ZNF703: variants seen among roughly 807,000 people sequenced by gnomAD.
ZNF703 encodes the protein zinc finger protein 703.
ZNF703 carries 18 observed loss-of-function variants against 30.7 expected under a neutral mutation model. The observed-to-expected ratio is 0.59, with a 90% CI of 0.40 to 0.87. The LOEUF is 0.87. ZNF703 is among the 40% of genes least tolerant of loss of function. ZNF703 has a pLI of 0.00. For synonymous variants in ZNF703, 457 were observed against 438.6 expected, an observed-to-expected ratio of 1.04 and a Z score of -0.52; for missense variants, 814 against 847.8, an observed-to-expected ratio of 0.96 and a Z score of 0.50.
rs1014521033 is a variant in ZNF703, at chr8:37,697,696, G to T, written c.795G>T (p.Glu265Asp). ...PAAVSRGGGG[E>D]PGAHGGAESG... ...CCGTGAGCCGCGGCGGCGGTGGGGA[G>T]CCCGGGGCGCACGGTGGCGCCGAGT... Residue 265 changes from glutamate to aspartate, a missense_variant, in exon 2 of 2, where the codon GAG becomes GAT. By Grantham distance (45) the Glu-to-Asp change is conservative. Transcript: ENST00000331569. 8 of 1,340,130 alleles carry T rather than the reference G, an allele frequency of 6.0e-6. No individual in the cohort carries two copies. Among genetic ancestry groups the T allele is most frequent in the Non-Finnish European group, 7.6e-6 (8 of 1,053,742 alleles). The allele number at this position is 1,340,130 out of a possible 1,614,324, so 83.0% of individuals were successfully genotyped here.
chr8:37,696,996 C>T lies in ZNF703; in HGVS notation c.244-149C>T, dbSNP rs1458391522. On this transcript the variant is annotated intron_variant, in intron 1 of 1. Transcript: ENST00000331569. This position sits in a 1 kb window ranked among gnomAD's most constrained non-coding sequence, Gnocchi z 8.2. ...GTGTGGGCGCAGTTCCGCCAGCTGCCGCGCCCGGCCCGGCCCTCGCTCGCA... is the reference window on the plus strand; with the variant it reads ...GTGTGGGCGCAGTTCCGCCAGCTGCTGCGCCCGGCCCGGCCCTCGCTCGCA... 3 of 998,364 alleles carry T rather than the reference C, an allele frequency of 3.0e-6. No homozygotes were observed. Among genetic ancestry groups the T allele is most frequent in the East Asian group, 3.7e-5 (1 of 26,836 alleles). The allele number at this position is 998,364 out of a possible 1,614,324, so 61.8% of individuals were successfully genotyped here.
At position 37,698,114 on chromosome 8, in the gene ZNF703, G is replaced by C. The variant is rs1240908066; in HGVS notation, c.1213G>C (p.Ala405Pro). 1 of 1,483,424 alleles carries C rather than the reference G, an allele frequency of 6.7e-7. No homozygotes were observed. The highest frequency in any genetic ancestry group is 1.4e-5 in the African/African-American group (1 of 71,924). The allele number at this position is 1,483,424 out of a possible 1,614,324, so 91.9% of individuals were successfully genotyped here. The part of the protein sequence containing the change: ...SCSTCSAHDP[A>P]GPSLKAGGYP... ...CTCCACCTGCAGCGCGCACGACCCTGCCGGGCCCAGCCTGAAGGCGGGGGG... is the reference window on the plus strand; with the variant it reads ...CTCCACCTGCAGCGCGCACGACCCTCCCGGGCCCAGCCTGAAGGCGGGGGG... The change falls in exon 2 of 2, where the codon GCC (alanine) becomes CCC (proline). Residue 405 changes from alanine to proline, a missense_variant. Transcript: ENST00000331569.
chr8:37,697,993 CG>C lies in ZNF703; in HGVS notation c.1096del (p.Ala366ProfsTer44). On this transcript the variant is annotated frameshift_variant, in exon 2 of 2. Coordinates refer to ENST00000331569, the MANE Select transcript of ZNF703 (RefSeq NM_025069.3). LOFTEE classifies it high-confidence loss of function. ...AGCCCCCCAGCTCCAGCCCGCTCAC[CG>C]GGGCCTCCCCGCCCTCCTTCCTGCA... ...GKPPSSSPLT[G>X]ASPPSFLQGL... is the part of the protein sequence containing the mutation. The C allele has an allele frequency of 1.3e-6, 2 of 1,569,036 alleles. No homozygotes were observed. The highest frequency in any genetic ancestry group is 1.7e-6 in the Non-Finnish European group (2 of 1,165,126).
chr8:37,696,168 C>T lies in ZNF703; in HGVS notation c.189C>T (p.Leu63=), dbSNP rs1802065368. The T allele has an allele frequency of 6.2e-7, 1 of 1,612,246 alleles. No homozygotes were observed. Among genetic ancestry groups the T allele is most frequent in the Non-Finnish European group, 8.5e-7 (1 of 1,179,474 alleles). The part of the protein sequence containing the change: ...LKMLSAHTGH[L]LHPEYLQPLS... ...TGCTGAGCGCTCACACCGGTCACCT[C>T]CTGCACCCGGAGTACCTGCAGCCGC... The change falls in exon 1 of 2, where the codon CTC becomes CTT. Residue 63 remains leucine (L), a synonymous_variant. Coordinates refer to ENST00000331569, the MANE Select transcript of ZNF703 (RefSeq NM_025069.3). This position sits in a 1 kb window ranked among gnomAD's most constrained non-coding sequence, Gnocchi z 8.2.
chr8:37,698,354 A>T lies in ZNF703; in HGVS notation c.1453A>T (p.Thr485Ser), dbSNP rs1802111699. Reference sequence around the variant, plus strand: ...GCTGCTCAGCCACCTACGGACCCACACGGCCCTGCCGGGAGCCGAGAAACT... The same window carrying T: ...GCTGCTCAGCCACCTACGGACCCACTCGGCCCTGCCGGGAGCCGAGAAACT... The part of the protein sequence containing the change: ...EELLSHLRTH[T>S]ALPGAEKLLA... Residue 485 changes from threonine to serine, a missense_variant, in exon 2 of 2, where the codon ACG becomes TCG. Transcript: ENST00000331569. 1 of 1,536,470 alleles carries T rather than the reference A, an allele frequency of 6.5e-7. No homozygotes were observed. Among genetic ancestry groups the T allele is most frequent in the Non-Finnish European group, 8.8e-7 (1 of 1,142,622 alleles).
Position 37,697,738 on chromosome 8 carries a change from C to T in ZNF703, c.837C>T (p.Arg279=), listed in dbSNP as rs1802096498. ...HGGAESGASG[R]KSEPPSALVG... ...GCGCCGAGTCCGGGGCCTCCGGGCG[C>T]AAGTCCGAGCCGCCCTCGGCGCTGG... Residue 279 remains arginine (R), a synonymous_variant, in exon 2 of 2, where the codon CGC becomes CGT. Transcript: ENST00000331569. 3.5e-6 allele frequency: 5 copies of T among 1,408,698 alleles called. No homozygotes were observed. The highest frequency in any genetic ancestry group is 1.5e-5 in the South Asian group (1 of 66,316). 87.3% of individuals were successfully genotyped at this position (1,408,698 alleles called of 1,614,324 possible). A position where few individuals can be genotyped will look rare whatever the true frequency, so the allele number is the denominator to read the frequency against.
chr8:37,697,481 G>A lies in ZNF703; in HGVS notation c.580G>A (p.Val194Ile). Reference sequence around the variant, plus strand: ...CCCGGGAGACAAGGCGGGCTTCAGGGTCCCCAGCGCCGCCTGCCCGCCCTT... The same window carrying A: ...CCCGGGAGACAAGGCGGGCTTCAGGATCCCCAGCGCCGCCTGCCCGCCCTT... The part of the protein sequence containing the change: ...SSPGDKAGFR[V>I]PSAACPPFPP... Residue 194 changes from valine to isoleucine, a missense_variant, in exon 2 of 2, where the codon GTC (valine) becomes ATC (isoleucine). Coordinates refer to ENST00000331569, the MANE Select transcript of ZNF703 (RefSeq NM_025069.3). 1 of 1,537,954 alleles carries A rather than the reference G, an allele frequency of 6.5e-7. No individual in the cohort carries two copies. Among genetic ancestry groups the A allele is most frequent in the Non-Finnish European group, 8.7e-7 (1 of 1,146,462 alleles).
Position 37,699,081 on chromosome 8 carries a change from TG to T in ZNF703, c.*408del, listed in dbSNP as rs1802125854. 1 of 163,826 alleles carries T rather than the reference TG, an allele frequency of 6.1e-6. No individual in the cohort carries two copies. Among genetic ancestry groups the T allele is most frequent in the Non-Finnish European group, 1.3e-5 (1 of 76,390 alleles). 10.1% of individuals were successfully genotyped at this position (163,826 alleles called of 1,614,324 possible). A position where few individuals can be genotyped will look rare whatever the true frequency, so the allele number is the denominator to read the frequency against. On this transcript the variant is annotated 3_prime_UTR_variant, in exon 2 of 2. Coordinates refer to ENST00000331569, the MANE Select transcript of ZNF703 (RefSeq NM_025069.3). ...GGTCTTTGGGTTCTTCTAGACGTTT[TG>T]TTTTCCCTTCCTGGGGAGTTTCTTG...
At position 37,697,969 on chromosome 8, in the gene ZNF703, G is replaced by GC. The variant is rs2060242557; in HGVS notation, c.1074dup (p.Ser359GlnfsTer286). On this transcript the variant is annotated frameshift_variant, in exon 2 of 2. Coordinates refer to ENST00000331569, the MANE Select transcript of ZNF703 (RefSeq NM_025069.3). LOFTEE classifies it high-confidence loss of function. ...GGGGCCTGGGCCTGCCGCCGGGCAAGCCCCCCAGCTCCAGCCCGCTCACCG... is the reference window on the plus strand; with the variant it reads ...GGGGCCTGGGCCTGCCGCCGGGCAAGCCCCCCCAGCTCCAGCCCGCTCACCG... The GC allele has an allele frequency of 1.3e-6, 2 of 1,557,500 alleles. No individual in the cohort carries two copies.
At position 37,697,144 on chromosome 8, in the gene ZNF703, G is replaced by A; in HGVS notation, c.244-1G>A. The stretch of plus-strand genomic sequence containing the variant: ...CCTCCCCCTGCTTCTGTCTCCCACA[G>A]CTGGACGCCAAGAAGAGCCCCTTGG... On this transcript the variant is annotated splice_acceptor_variant, in intron 1 of 1. Coordinates refer to ENST00000331569, the MANE Select transcript of ZNF703 (RefSeq NM_025069.3). LOFTEE classifies it high-confidence loss of function. 1 of 1,559,844 alleles carries A rather than the reference G, an allele frequency of 6.4e-7. No individual in the cohort carries two copies. Among genetic ancestry groups the A allele is most frequent in the African/African-American group, 1.4e-5 (1 of 70,640 alleles).
Position 37,697,674 on chromosome 8 carries a change from T to G in ZNF703, c.773T>G (p.Val258Gly). The G allele has an allele frequency of 7.5e-7, 1 of 1,332,150 alleles. No homozygotes were observed. Among genetic ancestry groups the G allele is most frequent in the Non-Finnish European group, 9.5e-7 (1 of 1,048,974 alleles). The allele number at this position is 1,332,150 out of a possible 1,614,324, so 82.5% of individuals were successfully genotyped here. A position where few individuals can be genotyped will look rare whatever the true frequency, so the allele number is the denominator to read the frequency against. The change falls in exon 2 of 2, where the codon GTG (valine) becomes GGG (glycine). Residue 258 changes from valine (V) to glycine (G), a missense_variant. Val to Gly is a moderately radical substitution (Grantham distance 109). Transcript: ENST00000331569. ...EPKPSPEPAA[V>G]SRGGGGEPGA... Reference sequence around the variant, plus strand: ...AAGCCCAGCCCGGAGCCGGCAGCCGTGAGCCGCGGCGGCGGTGGGGAGCCC... The same window carrying G: ...AAGCCCAGCCCGGAGCCGGCAGCCGGGAGCCGCGGCGGCGGTGGGGAGCCC...
In ZNF703 at chr8:37,697,222, C is replaced by T. The variant is rs1318884443; in HGVS notation, c.321C>T (p.Ser107=). The T allele has an allele frequency of 6.3e-7, 1 of 1,599,210 alleles. No individual in the cohort carries two copies. The highest frequency in any genetic ancestry group is 8.5e-7 in the Non-Finnish European group (1 of 1,174,784). ...SQIGKPDPPP[S]SKLNSVAAAA... ...TCGGCAAGCCGGACCCGCCGCCCTCCTCCAAACTCAACTCGGTGGCGGCGG... is the reference window on the plus strand; with the variant it reads ...TCGGCAAGCCGGACCCGCCGCCCTCTTCCAAACTCAACTCGGTGGCGGCGG... The change falls in exon 2 of 2, where the codon TCC becomes TCT. Residue 107 remains serine, a synonymous_variant. Coordinates refer to ENST00000331569, the MANE Select transcript of ZNF703 (RefSeq NM_025069.3).
Position 37,695,906 on chromosome 8 carries a change from CA to C in ZNF703, c.-73del. The C allele has an allele frequency of 7.6e-7, 1 of 1,316,832 alleles. No homozygotes were observed. Among genetic ancestry groups the C allele is most frequent in the Non-Finnish European group, 1.0e-6 (1 of 1,002,820 alleles). The allele number at this position is 1,316,832 out of a possible 1,614,324, so 81.6% of individuals were successfully genotyped here. ...CGCGATCGACGCTGCGGAGCGAGCC[CA>C]CCCGCCCCGGGAGCTCGCCTCCCCG... is the stretch of plus-strand genomic sequence containing the variant. On this transcript the variant is annotated 5_prime_UTR_variant, in exon 1 of 2. Transcript: ENST00000331569.
chr8:37,695,858 A>T lies in ZNF703; in HGVS notation c.-122A>T. ...CGTCGGTGGAGGAGGGGAGGCGGCG[A>T]GGAGGCGCAGCTCCCGCTGCACCGC... On this transcript the variant is annotated 5_prime_UTR_variant, in exon 1 of 2. Transcript: ENST00000331569. 1.1e-6 allele frequency: 1 copy of T among 905,156 alleles called. No homozygotes were observed. The highest frequency in any genetic ancestry group is 1.5e-6 in the Non-Finnish European group (1 of 656,368). 56.1% of individuals were successfully genotyped at this position (905,156 alleles called of 1,614,324 possible). A position where few individuals can be genotyped will look rare whatever the true frequency, so the allele number is the denominator to read the frequency against.
Position 37,697,973 on chromosome 8 carries a change from C to T in ZNF703, c.1072C>T (p.Pro358Ser). Residue 358 changes from proline to serine, a missense_variant, in exon 2 of 2, where the codon CCC becomes TCC. Transcript: ENST00000331569. Reference protein sequence around the residue: ...GGLGLPPGKPPSSSPLTGASP... With the variant: ...GGLGLPPGKPSSSSPLTGASP... Reference sequence around the variant, plus strand: ...CCTGGGCCTGCCGCCGGGCAAGCCCCCCAGCTCCAGCCCGCTCACCGGGGC... The same window carrying T: ...CCTGGGCCTGCCGCCGGGCAAGCCCTCCAGCTCCAGCCCGCTCACCGGGGC... 6.4e-7 allele frequency: 1 copy of T among 1,561,980 alleles called. No homozygotes were observed. The highest frequency in any genetic ancestry group is 8.6e-7 in the Non-Finnish European group (1 of 1,160,956).
In ZNF703 at chr8:37,698,112, C is replaced by G. The variant is rs1281165947; in HGVS notation, c.1211C>G (p.Pro404Arg). The change falls in exon 2 of 2, where the codon CCT (proline) becomes CGT (arginine). Residue 404 changes from proline (P) to arginine (R), a missense_variant. Coordinates refer to ENST00000331569, the MANE Select transcript of ZNF703 (RefSeq NM_025069.3). The stretch of plus-strand genomic sequence containing the variant: ...TGCTCCACCTGCAGCGCGCACGACC[C>G]TGCCGGGCCCAGCCTGAAGGCGGGG... ...SSCSTCSAHDPAGPSLKAGGY... is the reference protein window; with the variant it reads ...SSCSTCSAHDRAGPSLKAGGY... 6.7e-7 allele frequency: 1 copy of G among 1,484,754 alleles called. No individual in the cohort carries two copies. Among genetic ancestry groups the G allele is most frequent in the African/African-American group, 1.4e-5 (1 of 72,064 alleles). The allele number at this position is 1,484,754 out of a possible 1,614,324, so 92.0% of individuals were successfully genotyped here.
At position 37,698,669 on chromosome 8, in the gene ZNF703, C is replaced by T; in HGVS notation, c.1768C>T (p.Gln590Ter). ...RLASASALGY[Q>*] ...AGCTTCAGCCTCGGCGCTGGGATACCAGTAACTACAGCTCTTCCTCCACCC... is the reference window on the plus strand; with the variant it reads ...AGCTTCAGCCTCGGCGCTGGGATACTAGTAACTACAGCTCTTCCTCCACCC... The change falls in exon 2 of 2, where the codon CAG becomes TAG. Residue 590 changes from glutamine (Q) to a stop codon, truncating the protein, a stop_gained. Coordinates refer to ENST00000331569, the MANE Select transcript of ZNF703 (RefSeq NM_025069.3). LOFTEE classifies it high-confidence loss of function. 6.9e-7 allele frequency: 1 copy of T among 1,452,346 alleles called. No individual in the cohort carries two copies. The highest frequency in any genetic ancestry group is 1.6e-5 in the South Asian group (1 of 64,500). The allele number at this position is 1,452,346 out of a possible 1,614,324, so 90.0% of individuals were successfully genotyped here.
In ZNF703 at chr8:37,698,727, C is replaced by T; in HGVS notation, c.*53C>T. The T allele has an allele frequency of 7.3e-7, 1 of 1,361,306 alleles. No homozygotes were observed. Among genetic ancestry groups the T allele is most frequent in the Non-Finnish European group, 9.5e-7 (1 of 1,053,060 alleles). 84.3% of individuals were successfully genotyped at this position (1,361,306 alleles called of 1,614,324 possible). On this transcript the variant is annotated 3_prime_UTR_variant, in exon 2 of 2. Coordinates refer to ENST00000331569, the MANE Select transcript of ZNF703 (RefSeq NM_025069.3). ...CTCACCCTCCTCCCTCTCCCTCCTCCTCCCTCCCCACCTGCCGTCGCCGCT... is the reference window on the plus strand; with the variant it reads ...CTCACCCTCCTCCCTCTCCCTCCTCTTCCCTCCCCACCTGCCGTCGCCGCT...
Position 37,695,863 on chromosome 8 carries a change from G to A in ZNF703, c.-117G>A, listed in dbSNP as rs1802057633. The A allele has an allele frequency of 1.0e-6, 1 of 991,866 alleles. No individual in the cohort carries two copies. The highest frequency in any genetic ancestry group is 1.4e-6 in the Non-Finnish European group (1 of 731,038). 61.4% of individuals were successfully genotyped at this position (991,866 alleles called of 1,614,324 possible). ...GTGGAGGAGGGGAGGCGGCGAGGAG[G>A]CGCAGCTCCCGCTGCACCGCGATCG... On this transcript the variant is annotated 5_prime_UTR_variant, in exon 1 of 2. Transcript: ENST00000331569.
Sources: gnomAD v4.1 joint callset for allele counts on GRCh38, gnomAD v4.1.1 for gene constraint, Gnocchi (gnomAD v3.1) non-coding constraint, MANE v1.5 for transcripts, NCBI Gene and HGNC (gene_info 2026-07-23, HGNC 2026-07-21) for gene names.